Variants in TCF7 observed in about 807,000 individuals in gnomAD.
The protein encoded by TCF7 is T-cell-factor-7.
In TCF7, 19 loss-of-function variants were observed where a neutral mutation model predicts 46.8. That is an observed-to-expected ratio of 0.41 (90% CI 0.28 to 0.60). The LOEUF is 0.60. TCF7 is among the 20% of genes least tolerant of loss of function. The pLI, the probability that TCF7 is intolerant of heterozygous loss-of-function variation, is 0.35. For missense variants in TCF7, 547 were observed against 504.6 expected (o/e 1.08, Z -0.81); for synonymous variants, 245 against 213.4 (o/e 1.15, Z -1.29).
At chr5:134,128,293 C>T (rs1026887783) in intron 3 of TCF7, among the ~76,000 whole-genome samples, 2 of 152,188 alleles carry the variant, frequency 1.3e-5, no homozygotes, top group African/African-American at 2.4e-5. Context: ...CTCCCTCACT[C>T]GCCTCATGAA....
intron 3 of TCF7, among the ~76,000 whole-genome samples, chr5:134,134,022 AG>A (rs1175639668): frequency 1.3e-5 from 2 of 152,290 alleles, no homozygotes; most frequent in African/African-American, 2.4e-5. Flanking sequence ...ATGGCCAAGG[AG>A]GGTCAGCTCT....
At chr5:134,116,290 T>C (rs1755833344) in intron 3 of TCF7, among the ~76,000 whole-genome samples, 1 of 152,266 alleles carries the variant, frequency 6.6e-6, no homozygotes, top group African/African-American at 2.4e-5. Flanking sequence ...AGGTGCAGGC[T>C]CTGTCCTGGT....
intron 1 of TCF7, 53 bp downstream of exon 1, chr5:134,115,208 C>T (rs946165155): frequency 1.7e-6 from 2 of 1,157,496 alleles, no homozygotes; most frequent in Non-Finnish European, 2.2e-6. Context: ...GCCGCGCCGC[C>T]CCAGTTGCGC....
rs1203194992 is a variant in TCF7, at chr5:134,139,015, G to A, written c.612G>A (p.Gly204=). 1.1e-5 allele frequency: 18 copies of A among 1,613,896 alleles called. No individual in the cohort carries two copies. The highest frequency in any genetic ancestry group is 1.4e-5 in the Non-Finnish European group (16 of 1,180,010). The change falls in exon 5 of 10, where the codon GGG becomes GGA. Residue 204 remains glycine (G), a synonymous_variant. Coordinates refer to ENST00000342854, the MANE Select transcript of TCF7 (RefSeq NM_003202.5). ...ACTCCCTGACCTCAGGCAGCATGGG[G>A]CAGCTCCCCCACACTGTGAGCTGGT... ...GFYSLTSGSM[G]QLPHTVSWFT... is the part of the protein sequence containing the mutation.
chr5:134,145,816 C>G, intron 9 of TCF7: 1 of 1,613,498 alleles, frequency 6.2e-7, no homozygotes, highest in Non-Finnish European at 8.5e-7. Context: ...TCTAGCCCAG[C>G]TTGAGGACTG....
rs1437405194 is a variant in TCF7 at position 134,146,209 on chromosome 5, C to T, written c.1076-15C>T. The T allele has an allele frequency of 6.2e-7, 1 of 1,614,178 alleles. No homozygotes were observed. Among genetic ancestry groups the T allele is most frequent in the Non-Finnish European group, 8.5e-7 (1 of 1,180,014 alleles). ...TCACCCTCTGTTTACAGATAACTCT[C>T]TTCACTATTCCTAGGAGGAAAAAGA... On this transcript the variant is annotated splice_polypyrimidine_tract_variant and intron_variant, in intron 9 of 9. Coordinates refer to ENST00000342854, the MANE Select transcript of TCF7 (RefSeq NM_003202.5).
At position 134,122,118 on chromosome 5, in the gene TCF7, C is replaced by T. The variant is rs558594516; in HGVS notation, c.441+6085C>T. Among the ~76,000 whole-genome samples the T allele has an allele frequency of 1.2e-3, 179 of 152,218 alleles. 1 individual carries two copies. The highest frequency in any genetic ancestry group is 4.1e-3 in the African/African-American group (170 of 41,532). The stretch of plus-strand genomic sequence containing the variant: ...TTCCAAGGTGGGACTTTGAGGGTGG[C>T]TCCCTCAAAGCCTTGATGCCTTTCA... On this transcript the variant is annotated intron_variant, in intron 3 of 9. Transcript: ENST00000342854.
At chr5:134,145,188 G>A (rs1405939521) in intron 9 of TCF7, 3 of 597,230 alleles carry the variant, frequency 5.0e-6, no homozygotes, top group Admixed American at 1.9e-5. Flanking sequence ...CCACCACTAA[G>A]GGGGCCTGGA....
intron 3 of TCF7, chr5:134,123,639 G>A (rs1219475883): frequency 3.1e-5 from 14 of 454,830 alleles, no homozygotes; most frequent in Non-Finnish European, 4.0e-5. Flanking sequence ...CAGGGTCTAC[G>A]AAGGATGTGC....
intron 2 of TCF7, chr5:134,115,690 G>A (rs1007642113): frequency 7.0e-7 from 1 of 1,430,096 alleles, no homozygotes. Context: ...TTGGTTGGAG[G>A]GCGGGGGGTG....
At position 134,145,937 on chromosome 5, in the gene TCF7, C is replaced by A. The variant is rs1185487701; in HGVS notation, c.1076-287C>A. 6 of 1,493,894 alleles carry A rather than the reference C, an allele frequency of 4.0e-6. No individual in the cohort carries two copies. The South Asian group carries it at 7.9e-5, about 20-fold the overall frequency. The allele number at this position is 1,493,894 out of a possible 1,614,324, so 92.5% of individuals were successfully genotyped here. A position where few individuals can be genotyped will look rare whatever the true frequency, so the allele number is the denominator to read the frequency against. On this transcript the variant is annotated intron_variant, in intron 9 of 9. Transcript: ENST00000342854. ...AAAGGCCGGGACTGGGAGATGACTCCCTTGGAAGACAGGAGAGATGACTCC... is the reference window on the plus strand; with the variant it reads ...AAAGGCCGGGACTGGGAGATGACTCACTTGGAAGACAGGAGAGATGACTCC...
intron 9 of TCF7, chr5:134,144,482 C>A (rs867076542): frequency 5.2e-6 from 2 of 383,782 alleles, no homozygotes; most frequent in Non-Finnish European, 9.7e-6. Context: ...TCCTTGGGCC[C>A]CTCTGCAGCC....
chr5:134,120,907 A>AGGG, intron 3 of TCF7, among the ~76,000 whole-genome samples: 1 of 152,350 alleles, frequency 6.6e-6, no homozygotes, highest in African/African-American at 2.4e-5. Flanking sequence ...GGAGGGGCCC[A>AGGG]GGGAGGTGCC....
At chr5:134,134,717 C>T (rs1714411399) in intron 3 of TCF7, among the ~76,000 whole-genome samples, 1 of 152,066 alleles carries the variant, frequency 6.6e-6, no homozygotes, top group African/African-American at 2.4e-5. Context: ...AAAATGCAGC[C>T]CCAGAGAAGG....
chr5:134,120,462 C>T (rs559209368), intron 3 of TCF7, among the ~76,000 whole-genome samples: 7 of 152,304 alleles, frequency 4.6e-5, no homozygotes, highest in Admixed American at 2.6e-4. Flanking sequence ...GGGTGGCCCC[C>T]GCCAGCCGCC....
chr5:134,138,068 A>C lies in TCF7; in HGVS notation c.451A>C (p.Asn151His). 1.2e-6 allele frequency: 2 copies of C among 1,601,266 alleles called. No homozygotes were observed. The change falls in exon 4 of 10, where the codon AAT becomes CAT. Residue 151 changes from asparagine to histidine, a missense_variant. This residue lies in a region of TCF7 where 425 missense variants were observed against 349.9 expected (regional missense o/e 1.21). Transcript: ENST00000342854. ...CCTTCTCATTTTTCAGCACAAGGCC[A>C]ATCAGCCCCCCCACGGTGTCCCCCA... ...PQPQPPLHKA[N>H]QPPHGVPQLS...
intron 6 of TCF7, 103 bp downstream of exon 6, chr5:134,142,407 G>A (rs552144797): frequency 2.5e-5 from 34 of 1,341,572 alleles, no homozygotes; most frequent in Middle Eastern, 2.7e-4. Context: ...AAGCTGTTTC[G>A]TGCCTCTGGC....
chr5:134,134,757 A>G (rs1758618977), intron 3 of TCF7, among the ~76,000 whole-genome samples: 1 of 152,168 alleles, frequency 6.6e-6, no homozygotes. Context: ...CTCCAATAAA[A>G]GGTCAGTGAA....
At chr5:134,116,111 T>C in intron 3 of TCF7, 78 bp downstream of exon 3, 1 of 1,512,410 alleles carries the variant, frequency 6.6e-7, no homozygotes. Flanking sequence ...GGCAAGAGAC[T>C]TCTGCCTGGA....
Sources: gnomAD v4.1 joint callset for allele counts (sites outside exome capture counted in the v4.1 genomes callset) on GRCh38, gnomAD v4.1.1 for gene constraint, gnomAD v4.1.1 regional missense constraint, MANE v1.5 for transcripts, NCBI Gene and HGNC (gene_info 2026-07-23, HGNC 2026-07-21) for gene names.